COL4A2: variants seen among roughly 807,000 people sequenced by gnomAD.
COL4A2 encodes the protein collagen type IV alpha 2 chain, also known as collagen alpha-2(IV) chain.
Under a neutral mutation model 200.2 loss-of-function variants are expected in COL4A2, and 99 were observed. The ratio of observed to expected loss-of-function variants is 0.49; its 90% confidence interval spans 0.42 to 0.58. The LOEUF (loss-of-function observed/expected upper bound fraction) is 0.58, where lower values mean the gene tolerates loss of function less well. Ranked by LOEUF, COL4A2 falls within the 20% of genes least tolerant of loss-of-function variation. COL4A2 has a pLI of 0.00. For synonymous variants in COL4A2, 897 were observed against 900.6 expected, an observed-to-expected ratio of 1.00 and a Z score of 0.07; for missense variants, 1,950 against 2,314.1, an observed-to-expected ratio of 0.84 and a Z score of 3.23.
intron 3 of COL4A2, among the ~76,000 whole-genome samples, chr13:110,327,890 A>G (rs1049547752): frequency 6.6e-6 from 1 of 152,242 alleles, no homozygotes; most frequent in African/African-American, 2.4e-5. Flanking sequence ...TCGGTCACAC[A>G]CACAAAATGA....
At chr13:110,400,911 AAT>A (rs2139430657) in intron 4 of COL4A2, among the ~76,000 whole-genome samples, 1 of 152,324 alleles carries the variant, frequency 6.6e-6, no homozygotes, top group African/African-American at 2.4e-5. Context: ...GTAAACTTAT[AAT>A]TAAGAGAATG....
At chr13:110,389,842 A>T (rs919374531) in intron 4 of COL4A2, among the ~76,000 whole-genome samples, 26 of 147,978 alleles carry the variant, frequency 1.8e-4, no homozygotes, top group African/African-American at 6.2e-4. Context: ...TTATTGTGTT[A>T]GTGGGTGCTT....
At chr13:110,309,458 C>T (rs951245166) in intron 3 of COL4A2, among the ~76,000 whole-genome samples, 1 of 152,214 alleles carries the variant, frequency 6.6e-6, no homozygotes. Flanking sequence ...ATTTATGAAC[C>T]AGAAGCAATG....
chr13:110,334,353 G>T (rs1876071756), intron 3 of COL4A2, among the ~76,000 whole-genome samples: 1 of 152,184 alleles, frequency 6.6e-6, no homozygotes, highest in Non-Finnish European at 1.5e-5. Context: ...ACCACCATCT[G>T]CATGTTGGAA....
intron 4 of COL4A2, 82 bp downstream of exon 4, chr13:110,357,634 A>C (rs1877338117): frequency 5.9e-6 from 9 of 1,534,792 alleles, no homozygotes; most frequent in African/African-American, 2.8e-5. Context: ...CTTCTGGGAC[A>C]CGTGTGGCTG....
chr13:110,468,341 C>T (rs575196906), intron 27 of COL4A2: 4 of 469,974 alleles, frequency 8.5e-6, no homozygotes, highest in African/African-American at 8.0e-5. Context: ...CCATGGATTT[C>T]AACACCGTCA....
chr13:110,307,956 C>T lies in COL4A2; in HGVS notation c.44+9C>T, dbSNP rs377761467. 78 of 1,612,724 alleles carry T rather than the reference C, an allele frequency of 4.8e-5. No individual in the cohort carries two copies. In the African/African-American group the frequency reaches 9.6e-4, roughly 20 times the overall value. On this transcript the variant is annotated intron_variant, in intron 2 of 47. Transcript: ENST00000360467. This position sits in a 1 kb window ranked among gnomAD's most constrained non-coding sequence, Gnocchi z 5.0. ...GGCCCTGCCCTACGGCGGTAAGCGA[C>T]TTTCTGCCTGGTCCCCGTGGGTCAC... is the stretch of plus-strand genomic sequence containing the variant.
At chr13:110,503,011 C>G in intron 41 of COL4A2, 110 bp from the exon 42 acceptor site, 1 of 976,616 alleles carries the variant, frequency 1.0e-6, no homozygotes, top group Non-Finnish European at 1.6e-6. Flanking sequence ...TCATTCCATG[C>G]CACAGACTTG....
chr13:110,339,331 G>A (rs1876348415), intron 3 of COL4A2, among the ~76,000 whole-genome samples: 1 of 152,220 alleles, frequency 6.6e-6, no homozygotes, highest in South Asian at 2.1e-4. Flanking sequence ...ATTCCTGGAT[G>A]GAGGGAATCA....
chr13:110,391,405 G>A (rs929719658), intron 4 of COL4A2, among the ~76,000 whole-genome samples: 6 of 152,184 alleles, frequency 3.9e-5, no homozygotes, highest in Admixed American at 6.5e-5. Context: ...TCCGGCAGCC[G>A]GGGTTCCAGC....
At chr13:110,359,401 T>C (rs987479536) in intron 4 of COL4A2, among the ~76,000 whole-genome samples, 2 of 152,244 alleles carry the variant, frequency 1.3e-5, no homozygotes, top group African/African-American at 2.4e-5. Context: ...TATTTTGTTT[T>C]ATGACACAGC....
At chr13:110,392,245 A>C (rs1335833708) in intron 4 of COL4A2, among the ~76,000 whole-genome samples, 1 of 152,252 alleles carries the variant, frequency 6.6e-6, no homozygotes, top group African/African-American at 2.4e-5. Context: ...TAAAAGAACC[A>C]ATATGAAGAG....
intron 4 of COL4A2, among the ~76,000 whole-genome samples, chr13:110,393,916 G>A (rs187662135): frequency 1.3e-5 from 2 of 152,268 alleles, no homozygotes; most frequent in Admixed American, 1.3e-4. Context: ...GATACAATGA[G>A]GGTCAAAGTA....
chr13:110,473,124 G>A lies in COL4A2; in HGVS notation c.2399G>A (p.Gly800Glu). The change falls in exon 29 of 48, where the codon GGA (glycine) becomes GAA (glutamate). Residue 800 changes from glycine to glutamate, a missense_variant. By Grantham distance (98) the Gly-to-Glu change is moderately conservative (BLOSUM62 -2). Coordinates refer to ENST00000360467, the MANE Select transcript of COL4A2 (RefSeq NM_001846.4). ...PGQPGLKGLP[G>E]DRGPPGFRGS... ...CAGCCTGGGCTTAAAGGCCTTCCCG[G>A]AGACAGAGGCCCCCCTGGATTCAGA... The A allele has an allele frequency of 6.4e-7, 1 of 1,561,056 alleles. No individual in the cohort carries two copies.
chr13:110,394,613 G>A (rs190590244), intron 4 of COL4A2, among the ~76,000 whole-genome samples: 26 of 152,272 alleles, frequency 1.7e-4, no homozygotes, highest in Admixed American at 1.2e-3. Context: ...ACGACCTCTC[G>A]GTCCATTTTC....
At chr13:110,465,278 A>C in intron 24 of COL4A2, 127 bp from the exon 25 acceptor site, 1 of 1,241,656 alleles carries the variant, frequency 8.1e-7, no homozygotes, top group Non-Finnish European at 1.1e-6. Context: ...GTTCCTGTTC[A>C]TCTCTGTTGT....
At chr13:110,396,924 T>G (rs944625089) in intron 4 of COL4A2, among the ~76,000 whole-genome samples, 5 of 152,206 alleles carry the variant, frequency 3.3e-5, no homozygotes, top group African/African-American at 1.2e-4. Context: ...TGCAAATGTT[T>G]TGTGGTTTTA....
chr13:110,331,540 T>G (rs1875913734), intron 3 of COL4A2, among the ~76,000 whole-genome samples: 1 of 151,990 alleles, frequency 6.6e-6, no homozygotes, highest in Non-Finnish European at 1.5e-5. Flanking sequence ...GGAAAGGAGG[T>G]GCACCCACAG....
At chr13:110,458,014 G>A (rs1766768017) in intron 21 of COL4A2, 1 of 422,146 alleles carries the variant, frequency 2.4e-6, no homozygotes, top group Non-Finnish European at 4.9e-6. Flanking sequence ...AGGCTCTGTG[G>A]GCCCTGGTGT....
Sources: gnomAD v4.1 joint callset for allele counts (sites outside exome capture counted in the v4.1 genomes callset) on GRCh38, gnomAD v4.1.1 for gene constraint, Gnocchi (gnomAD v3.1) non-coding constraint, MANE v1.5 for transcripts, NCBI Gene and HGNC (gene_info 2026-07-23, HGNC 2026-07-21) for gene names.